Variants in PKD1 observed in about 807,000 individuals in gnomAD.
The protein encoded by PKD1 is polycystin 1, transient receptor potential channel interacting.
A neutral mutation model predicts 361.7 loss-of-function variants in PKD1; 81 were observed. The observed-to-expected ratio is 0.22, with a 90% CI of 0.19 to 0.27. PKD1 has a LOEUF of 0.27. Among genes scored for constraint, PKD1 ranks in the 10% least tolerant of loss-of-function variants. The pLI is 1.00. For synonymous variants in PKD1, 3,615 were observed against 2,818.3 expected, an observed-to-expected ratio of 1.28 and a Z score of -8.95; for missense variants, 6,399 against 6,118.3, an observed-to-expected ratio of 1.05 and a Z score of -1.53.
rs2092486805 is a variant in PKD1 at position 2,110,967 on chromosome 16, C to G, written c.4200G>C (p.Leu1400=). 2 of 1,610,336 alleles carry G rather than the reference C, an allele frequency of 1.2e-6. No homozygotes were observed. Among genetic ancestry groups the G allele is most frequent in the South Asian group, 2.2e-5 (2 of 90,996 alleles). ...GGAACGGGGGCCAGGCACATGCCACCAGCCAGGCCTCGTCCCCGAGCTGCA... is the reference window on the plus strand; with the variant it reads ...GGAACGGGGGCCAGGCACATGCCACGAGCCAGGCCTCGTCCCCGAGCTGCA... ...QFVQLGDEAW[L]VACAWPPFPY... is the part of the protein sequence containing the mutation. The change falls in exon 15 of 46, where the codon CTG becomes CTC. Residue 1400 remains leucine, a synonymous_variant. Transcript: ENST00000262304.
chr16:2,096,807 G>T, intron 34 of PKD1: 1 of 348,426 alleles, frequency 2.9e-6, no homozygotes, highest in Non-Finnish European at 5.4e-6. Context: ...GTGAGCCACC[G>T]CGCCCGGCCA....
chr16:2,094,131 T>C lies in PKD1; in HGVS notation c.10579A>G (p.Asn3527Asp), dbSNP rs1250005132. 6.3e-7 allele frequency: 1 copy of C among 1,595,762 alleles called. No homozygotes were observed. Among genetic ancestry groups the C allele is most frequent in the Admixed American group, 1.7e-5 (1 of 57,858 alleles). The change falls in exon 35 of 46, where the codon AAC becomes GAC. Residue 3527 changes from asparagine to aspartate, a missense_variant. Coordinates refer to ENST00000262304, the MANE Select transcript of PKD1 (RefSeq NM_001009944.3). ...GELGPPSPGLNWEQPQAARLS... is the reference protein window; with the variant it reads ...GELGPPSPGLDWEQPQAARLS... ...CTCGCTGCCTGGGGCTGTTCCCAGT[T>C]CAGGCCTGGGCTGGGTGGCCCCAGC...
intron 26 of PKD1, among the ~76,000 whole-genome samples, chr16:2,101,423 G>C (rs188000880): frequency 6.6e-6 from 1 of 152,074 alleles, no homozygotes; most frequent in Non-Finnish European, 1.5e-5. Flanking sequence ...CGAGGCAGGC[G>C]GATCACCTGA....
Position 2,106,710 on chromosome 16 carries a change from C to G in PKD1, c.7210-33G>C. Reference sequence around the variant, plus strand: ...CAGAAGGGGTGGTGAGGGGGCGCAACCCTCTGCCCTGTCAGCCCCACTTCT... The same window carrying G: ...CAGAAGGGGTGGTGAGGGGGCGCAAGCCTCTGCCCTGTCAGCCCCACTTCT... On this transcript the variant is annotated intron_variant, in intron 17 of 45. Coordinates refer to ENST00000262304, the MANE Select transcript of PKD1 (RefSeq NM_001009944.3). The surrounding 1 kb of genome is among the most constrained non-coding windows in gnomAD (Gnocchi z 6.5). 6.4e-7 allele frequency: 1 copy of G among 1,568,236 alleles called. No homozygotes were observed. The highest frequency in any genetic ancestry group is 8.6e-7 in the Non-Finnish European group (1 of 1,159,178).
At chr16:2,120,673 G>C (rs1349339606) in intron 1 of PKD1, among the ~76,000 whole-genome samples, 1 of 152,212 alleles carries the variant, frequency 6.6e-6, no homozygotes, top group African/African-American at 2.4e-5. Flanking sequence ...CTGCAGTCCA[G>C]CCTGGGCGAC....
Position 2,110,648 on chromosome 16 carries a change from A to G in PKD1, c.4519T>C (p.Trp1507Arg), listed in dbSNP as rs769265334. 2.9e-5 allele frequency: 47 copies of G among 1,609,808 alleles called. No homozygotes were observed. Among genetic ancestry groups the G allele is most frequent in the Middle Eastern group, 4.5e-4 (2 of 4,478 alleles). ...TGGGTGACCTCCGGACCCTCGAGCC[A>G]CCCACCGTCCCCCAGATCCCACAGG... ...SYLWDLGDGGWLEGPEVTHAY... is the reference protein window; with the variant it reads ...SYLWDLGDGGRLEGPEVTHAY... The change falls in exon 15 of 46, where the codon TGG (tryptophan) becomes CGG (arginine). Residue 1507 changes from tryptophan (W) to arginine (R), a missense_variant. By Grantham distance (101) the Trp-to-Arg change is moderately radical. Coordinates refer to ENST00000262304, the MANE Select transcript of PKD1 (RefSeq NM_001009944.3).
At position 2,108,607 on chromosome 16, in the gene PKD1, C is replaced by T. The variant is rs1161210869; in HGVS notation, c.6560G>A (p.Trp2187Ter). Residue 2187 changes from tryptophan (W) to a stop codon, truncating the protein, a stop_gained, in exon 15 of 46, where the codon TGG becomes TAG. Transcript: ENST00000262304. LOFTEE classifies it high-confidence loss of function. ...GCAGCTGGCGGTGCGATACACCTCC[C>T]AGCGGTACTCAGTCTGGTAGGTGAC... ...DCVTYQTEYR[W>*]EVYRTASCQR... 1 of 1,558,490 alleles carries T rather than the reference C, an allele frequency of 6.4e-7. No individual in the cohort carries two copies. The highest frequency in any genetic ancestry group is 8.7e-7 in the Non-Finnish European group (1 of 1,152,066).
At position 2,104,491 on chromosome 16, in the gene PKD1, G is replaced by T. The variant is rs371902103; in HGVS notation, c.8161+7C>A. Reference sequence around the variant, plus strand: ...GGGCGGGTGGCATGGGGCACGGGCCGCGGCACCTGTGATGTTGAGGATGCT... The same window carrying T: ...GGGCGGGTGGCATGGGGCACGGGCCTCGGCACCTGTGATGTTGAGGATGCT... On this transcript the variant is annotated splice_region_variant and intron_variant, in intron 22 of 45. Coordinates refer to ENST00000262304, the MANE Select transcript of PKD1 (RefSeq NM_001009944.3). 44 of 1,512,186 alleles carry T rather than the reference G, an allele frequency of 2.9e-5. No homozygotes were observed. The highest frequency in any genetic ancestry group is 3.8e-5 in the Non-Finnish European group (43 of 1,119,198). 93.7% of individuals were successfully genotyped at this position (1,512,186 alleles called of 1,614,324 possible).
At chr16:2,099,416 G>A (rs371964745) in intron 30 of PKD1, 89 of 625,338 alleles carry the variant, frequency 1.4e-4, no homozygotes, top group African/African-American at 5.3e-4. Flanking sequence ...CGTCCGTGGC[G>A]TCTGCTTAGC....
intron 24 of PKD1, 78 bp from the exon 25 acceptor site, chr16:2,102,711 T>C: frequency 1.2e-6 from 2 of 1,606,158 alleles, no homozygotes; most frequent in South Asian, 1.1e-5. Flanking sequence ...CCATACCCGG[T>C]CCAGTCCCCT....
intron 10 of PKD1, 102 bp downstream of exon 10, chr16:2,115,276 T>A: frequency 8.0e-7 from 1 of 1,243,492 alleles, no homozygotes; most frequent in Non-Finnish European, 1.1e-6. Context: ...GGGAGGGGCC[T>A]GCAGGCTGGG....
At chr16:2,098,068 G>A (rs1302579370) in intron 30 of PKD1, 84 bp from the exon 31 acceptor site, 3 of 722,348 alleles carry the variant, frequency 4.2e-6, no homozygotes, top group African/African-American at 1.7e-5. Context: ...CAGCAGACAG[G>A]ACAGAGCCCG....
Position 2,097,724 on chromosome 16 carries a change from C to G in PKD1, c.10220+4G>C, listed in dbSNP as rs375340822. The G allele has an allele frequency of 2.5e-6, 4 of 1,610,966 alleles. No individual in the cohort carries two copies. The African/African-American group carries it at 5.3e-5, about 22-fold the overall frequency. The stretch of plus-strand genomic sequence containing the variant: ...AGGGCTCGAGGTTTCTCTAGGGAAC[C>G]CACCTCTTAGAATCATCCAGAAACA... On this transcript the variant is annotated splice_donor_region_variant and intron_variant, in intron 32 of 45. Coordinates refer to ENST00000262304, the MANE Select transcript of PKD1 (RefSeq NM_001009944.3).
rs756011614 is a variant in PKD1, at chr16:2,102,557, C to T, written c.9025G>A (p.Gly3009Ser). ...TACTGGCACAGGGACGTGTACAGGC[C>T]CACGGACACCTGCAGCGCCGACCAG... ...FRWSALQVSVGLYTSLCQYFS... is the reference protein window; with the variant it reads ...FRWSALQVSVSLYTSLCQYFS... Residue 3009 changes from glycine (G) to serine (S), a missense_variant, in exon 25 of 46, where the codon GGC becomes AGC. Gly to Ser is a moderately conservative substitution (Grantham distance 56). Transcript: ENST00000262304. The T allele has an allele frequency of 6.8e-6, 11 of 1,610,832 alleles. No homozygotes were observed. The highest frequency in any genetic ancestry group is 1.7e-5 in the Admixed American group (1 of 59,980).
At position 2,088,871 on chromosome 16, in the gene PKD1, G is replaced by A. The variant is rs1026534165; in HGVS notation, c.*856C>T. The A allele has an allele frequency of 5.7e-5, 28 of 495,392 alleles. No homozygotes were observed. Among genetic ancestry groups the A allele is most frequent in the Admixed American group, 2.5e-4 (7 of 27,702 alleles). The allele number at this position is 495,392 out of a possible 1,614,324, so 30.7% of individuals were successfully genotyped here. On this transcript the variant is annotated 3_prime_UTR_variant, in exon 46 of 46. Transcript: ENST00000262304. ...CCTGGGCCATACAGCACACTCGCGC[G>A]TGCGCGCGCGCACACACACACACAC...
In PKD1 at chr16:2,111,731, A is replaced by T; in HGVS notation, c.3436T>A (p.Phe1146Ile). 1.9e-6 allele frequency: 3 copies of T among 1,597,196 alleles called. No homozygotes were observed. The highest frequency in any genetic ancestry group is 1.7e-5 in the Admixed American group (1 of 57,664). ...GGCGAGGGCAGCGGGTGCGGGTAGA[A>T]GGTGACGGGCCGGCCGGCCACCAGG... ...GVLVAGRPVT[F>I]YPHPLPSPGG... The change falls in exon 15 of 46, where the codon TTC becomes ATC. Residue 1146 changes from phenylalanine to isoleucine, a missense_variant. Transcript: ENST00000262304.
rs765598368 is a variant in PKD1 at position 2,111,468 on chromosome 16, G to A, written c.3699C>T (p.Ala1233=). ...VEQGAPVVVS[A]AVQTGDNITW... is the part of the protein sequence containing the mutation. Reference sequence around the variant, plus strand: ...TGATGTTGTCGCCCGTCTGCACCGCGGCGCTGACCACCACGGGGGCGCCCT... The same window carrying A: ...TGATGTTGTCGCCCGTCTGCACCGCAGCGCTGACCACCACGGGGGCGCCCT... The change falls in exon 15 of 46, where the codon GCC becomes GCT. Residue 1233 remains alanine, a synonymous_variant. Transcript: ENST00000262304. The A allele has an allele frequency of 4.3e-6, 7 of 1,611,508 alleles. No homozygotes were observed. The highest frequency in any genetic ancestry group is 2.2e-5 in the East Asian group (1 of 44,866).
intron 41 of PKD1, 47 bp downstream of exon 41, chr16:2,091,734 C>T (rs773379794): frequency 6.2e-7 from 1 of 1,601,856 alleles, no homozygotes; most frequent in Non-Finnish European, 8.5e-7. Flanking sequence ...GGGCTCCTGG[C>T]TGGTGACTGC....
rs1567201926 is a variant in PKD1, at chr16:2,111,222, G to C, written c.3945C>G (p.Ala1315=). Residue 1315 remains alanine, a synonymous_variant, in exon 15 of 46, where the codon GCC becomes GCG. Coordinates refer to ENST00000262304, the MANE Select transcript of PKD1 (RefSeq NM_001009944.3). ...IPTQPDARLT[A]YVTGNPAHYL... ...AGTGGGCCGGGTTCCCGGTGACGTA[G>C]GCCGTGAGCCGCGCGTCAGGCTGCG... 6.2e-7 allele frequency: 1 copy of C among 1,611,262 alleles called. No individual in the cohort carries two copies. The highest frequency in any genetic ancestry group is 8.5e-7 in the Non-Finnish European group (1 of 1,179,676).
Sources: allele counts gnomAD v4.1 joint callset (sites outside exome capture counted in the v4.1 genomes callset), GRCh38; gene constraint gnomAD v4.1.1; non-coding constraint Gnocchi (gnomAD v3.1); transcripts MANE v1.5; gene names NCBI Gene and HGNC (gene_info 2026-07-23, HGNC 2026-07-21).